Variants in NDST2 observed in about 807,000 individuals in gnomAD.
NDST2 encodes bifunctional heparan sulfate N-deacetylase/N-sulfotransferase 2.
Under a neutral mutation model 86.9 loss-of-function variants are expected in NDST2, and 32 were observed. The observed-to-expected ratio is 0.37, with a 90% CI of 0.28 to 0.49. NDST2 has a LOEUF of 0.49. Among genes scored for constraint, NDST2 ranks in the 20% least tolerant of loss-of-function variants. NDST2 has a pLI of 0.97. For missense variants in NDST2, 950 were observed against 1,146.9 expected, an observed-to-expected ratio of 0.83 and a Z score of 2.48; for synonymous variants, 409 against 437.0, an observed-to-expected ratio of 0.94 and a Z score of 0.80.
At chr10:73,803,531 TCC>T in intron 11 of NDST2, 41 bp downstream of exon 11, 1 of 308,182 alleles carries the variant, frequency 3.2e-6, no homozygotes, top group Non-Finnish European at 6.2e-6. Flanking sequence ...CCCTCCCCCC[TCC>T]CCCCAACCTT....
In NDST2 at chr10:73,808,480, A is replaced by G; in HGVS notation, c.-92T>C. 1.5e-6 allele frequency: 2 copies of G among 1,290,806 alleles called. No individual in the cohort carries two copies. The highest frequency in any genetic ancestry group is 1.5e-5 in the South Asian group (1 of 65,108). 80.0% of individuals were successfully genotyped at this position (1,290,806 alleles called of 1,614,324 possible). On this transcript the variant is annotated 5_prime_UTR_variant, in exon 3 of 15. Transcript: ENST00000309979. This position sits in a 1 kb window ranked among gnomAD's most constrained non-coding sequence, Gnocchi z 4.3. ...GCTAGGACTGTCTTGGAAGGGTAGA[A>G]GGATAGGAAAATAGGGGACAGGGAT...
intron 3 of NDST2, 59 bp from the exon 4 acceptor site, chr10:73,807,254 G>A (rs2132871760): frequency 6.4e-7 from 1 of 1,558,208 alleles, no homozygotes; most frequent in Non-Finnish European, 8.9e-7. Context: ...GGAAATACAT[G>A]AGAAGTAGCA....
intron 1 of NDST2, among the ~76,000 whole-genome samples, chr10:73,811,179 G>C (rs1057492693): frequency 2.0e-5 from 3 of 152,086 alleles, no homozygotes; most frequent in Non-Finnish European, 2.9e-5. Context: ...TGCGAAGAGC[G>C]CACCGGATGT....
chr10:73,807,063 C>T (rs2084115737), intron 4 of NDST2, 45 bp downstream of exon 4: 2 of 1,559,304 alleles, frequency 1.3e-6, no homozygotes, highest in Non-Finnish European at 1.8e-6. Flanking sequence ...AGTGAAGGGA[C>T]AGGTCAAACT....
chr10:73,802,220 T>C lies in NDST2; in HGVS notation c.*231A>G. ...TCTCATTCCTCCCCACCTCCCAAGATGATGGGTCAAAGGTACCTAGCACTA... is the reference window on the plus strand; with the variant it reads ...TCTCATTCCTCCCCACCTCCCAAGACGATGGGTCAAAGGTACCTAGCACTA... On this transcript the variant is annotated 3_prime_UTR_variant, in exon 15 of 15. Transcript: ENST00000309979. The C allele has an allele frequency of 1.7e-6, 1 of 590,938 alleles. No homozygotes were observed. Among genetic ancestry groups the C allele is most frequent in the Non-Finnish European group, 3.0e-6 (1 of 333,942 alleles). 36.6% of individuals were successfully genotyped at this position (590,938 alleles called of 1,614,324 possible).
Position 73,807,000 on chromosome 10 carries a change from C to T in NDST2, c.1093+108G>A, listed in dbSNP as rs2084114945. The T allele has an allele frequency of 4.9e-6, 7 of 1,430,330 alleles. No homozygotes were observed. In the Admixed American group the frequency reaches 5.1e-5, roughly 10 times the overall value. 88.6% of individuals were successfully genotyped at this position (1,430,330 alleles called of 1,614,324 possible). On this transcript the variant is annotated intron_variant, in intron 4 of 14. Transcript: ENST00000309979. This position sits in a 1 kb window ranked among gnomAD's most constrained non-coding sequence, Gnocchi z 4.5. ...CCCACCACTAGCTCCTCACAGCAGT[C>T]TGACCCCAAACCTTGACCCTTTTCT...
In NDST2 at chr10:73,808,085, T is replaced by G. The variant is rs2084136683; in HGVS notation, c.304A>C (p.Ile102Leu). The G allele has an allele frequency of 6.2e-7, 1 of 1,614,068 alleles. No individual in the cohort carries two copies. Among genetic ancestry groups the G allele is most frequent in the Admixed American group, 1.7e-5 (1 of 60,006 alleles). Residue 102 changes from isoleucine to leucine, a missense_variant, in exon 3 of 15, where the codon ATT becomes CTT. Around this residue, in one of 5 missense-constraint regions of NDST2, gnomAD observed 586 missense variants for 714.0 expected, o/e 0.82. Transcript: ENST00000309979. The surrounding 1 kb of genome is among the most constrained non-coding windows in gnomAD (Gnocchi z 4.3). The stretch of plus-strand genomic sequence containing the variant: ...CGACTAGACTCCAGGATGGCCACAA[T>G]TTCCTGCCCCAGCTGTGAGTATGCA... ...ESAYSQLGQE[I>L]VAILESSRFR... is the part of the protein sequence containing the mutation.
At chr10:73,805,515 AAACAACAAC>A in intron 8 of NDST2, 63 bp downstream of exon 8, 11 of 1,465,918 alleles carry the variant, frequency 7.5e-6, no homozygotes, top group Non-Finnish European at 1.0e-5. Flanking sequence ...TTCTGTCTCA[AAACAACAAC>A]AACAACAACA....
chr10:73,802,208 C>T lies in NDST2; in HGVS notation c.*243G>A, dbSNP rs901068184. ...CTGCCTGGACCCTCTCATTCCTCCC[C>T]ACCTCCCAAGATGATGGGTCAAAGG... On this transcript the variant is annotated 3_prime_UTR_variant, in exon 15 of 15. Coordinates refer to ENST00000309979, the MANE Select transcript of NDST2 (RefSeq NM_003635.4). The T allele has an allele frequency of 8.6e-6, 5 of 583,910 alleles. No homozygotes were observed. Among genetic ancestry groups the T allele is most frequent in the Admixed American group, 6.2e-5 (2 of 32,424 alleles). 36.2% of individuals were successfully genotyped at this position (583,910 alleles called of 1,614,324 possible). A position where few individuals can be genotyped will look rare whatever the true frequency, so the allele number is the denominator to read the frequency against.
At position 73,808,560 on chromosome 10, in the gene NDST2, G is replaced by C; in HGVS notation, c.-172C>G. The C allele has an allele frequency of 1.6e-6, 1 of 636,232 alleles. No individual in the cohort carries two copies. Among genetic ancestry groups the C allele is most frequent in the Admixed American group, 3.0e-5 (1 of 33,508 alleles). 39.4% of individuals were successfully genotyped at this position (636,232 alleles called of 1,614,324 possible). Reference sequence around the variant, plus strand: ...AGACGAGTCCCCTTAGCATAGGGTAGGGGAGGTAGAAGGGGAAGCAGGGGG... The same window carrying C: ...AGACGAGTCCCCTTAGCATAGGGTACGGGAGGTAGAAGGGGAAGCAGGGGG... On this transcript the variant is annotated 5_prime_UTR_variant, in exon 3 of 15. Coordinates refer to ENST00000309979, the MANE Select transcript of NDST2 (RefSeq NM_003635.4). The surrounding 1 kb of genome is among the most constrained non-coding windows in gnomAD (Gnocchi z 4.3).
At chr10:73,809,705 AAC>A (rs1338770386) in intron 2 of NDST2, among the ~76,000 whole-genome samples, 2 of 152,202 alleles carry the variant, frequency 1.3e-5, no homozygotes, top group African/African-American at 4.8e-5. Flanking sequence ...GTGATCAGAA[AAC>A]AGTTTTAAGG....
At position 73,806,986 on chromosome 10, in the gene NDST2, C is replaced by G; in HGVS notation, c.1093+122G>C. ...AACCTAAATTCATGCCCACCACTAGCTCCTCACAGCAGTCTGACCCCAAAC... is the reference window on the plus strand; with the variant it reads ...AACCTAAATTCATGCCCACCACTAGGTCCTCACAGCAGTCTGACCCCAAAC... On this transcript the variant is annotated intron_variant, in intron 4 of 14. Coordinates refer to ENST00000309979, the MANE Select transcript of NDST2 (RefSeq NM_003635.4). The surrounding 1 kb of genome is among the most constrained non-coding windows in gnomAD (Gnocchi z 4.5). 1.4e-6 allele frequency: 2 copies of G among 1,393,792 alleles called. No homozygotes were observed. Among genetic ancestry groups the G allele is most frequent in the Admixed American group, 3.5e-5 (2 of 56,794 alleles). 86.3% of individuals were successfully genotyped at this position (1,393,792 alleles called of 1,614,324 possible). A position where few individuals can be genotyped will look rare whatever the true frequency, so the allele number is the denominator to read the frequency against.
At position 73,807,457 on chromosome 10, in the gene NDST2, C is replaced by T. The variant is rs377733383; in HGVS notation, c.932G>A (p.Arg311His). The T allele has an allele frequency of 4.0e-5, 64 of 1,614,062 alleles. No homozygotes were observed. The highest frequency in any genetic ancestry group is 1.0e-4 in the Admixed American group (6 of 60,008). Residue 311 changes from arginine to histidine, a missense_variant, in exon 3 of 15, where the codon CGC becomes CAC. Arg to His is a conservative substitution (Grantham distance 29). Around this residue, in one of 5 missense-constraint regions of NDST2, gnomAD observed 586 missense variants for 714.0 expected, o/e 0.82. Transcript: ENST00000309979. ...TGKRLCLDLD[R>H]YILVDIDDIF... Reference sequence around the variant, plus strand: ...GTCATCGATGTCTACCAAGATGTAGCGGTCAAGGTCCAGGCAGAGGCGCTT... The same window carrying T: ...GTCATCGATGTCTACCAAGATGTAGTGGTCAAGGTCCAGGCAGAGGCGCTT...
At position 73,805,776 on chromosome 10, in the gene NDST2, G is replaced by C. The variant is rs2084090893; in HGVS notation, c.1564-7C>G. ...GGGTCATAAAGATGCTGATCTGTAA[G>C]GGGTACCTGCATGTCAGATTTGGAG... On this transcript the variant is annotated splice_region_variant and splice_polypyrimidine_tract_variant and intron_variant, in intron 7 of 14. Coordinates refer to ENST00000309979, the MANE Select transcript of NDST2 (RefSeq NM_003635.4). 1 of 1,613,996 alleles carries C rather than the reference G, an allele frequency of 6.2e-7. No homozygotes were observed. The highest frequency in any genetic ancestry group is 8.5e-7 in the Non-Finnish European group (1 of 1,179,978).
Position 73,805,881 on chromosome 10 carries a change from G to T in NDST2, c.1563+19C>A, listed in dbSNP as rs757169243. On this transcript the variant is annotated intron_variant, in intron 7 of 14. Coordinates refer to ENST00000309979, the MANE Select transcript of NDST2 (RefSeq NM_003635.4). The stretch of plus-strand genomic sequence containing the variant: ...ACCTTGGCTCTCCAATCTTCTAGCC[G>T]TTCCTCTCAGCACCTTACCGGATTA... 5 of 1,613,916 alleles carry T rather than the reference G, an allele frequency of 3.1e-6. No individual in the cohort carries two copies. The highest frequency in any genetic ancestry group is 3.4e-6 in the Non-Finnish European group (4 of 1,179,966).
At position 73,802,055 on chromosome 10, in the gene NDST2, C is replaced by G; in HGVS notation, c.*396G>C. On this transcript the variant is annotated 3_prime_UTR_variant, in exon 15 of 15. Coordinates refer to ENST00000309979, the MANE Select transcript of NDST2 (RefSeq NM_003635.4). The stretch of plus-strand genomic sequence containing the variant: ...CCGGGCCACAGGTAGATCCCACTGC[C>G]TGGCTAAAGGGGCCATAGCAAGGGG... The G allele has an allele frequency of 2.8e-6, 1 of 359,252 alleles. No individual in the cohort carries two copies. The highest frequency in any genetic ancestry group is 5.2e-6 in the Non-Finnish European group (1 of 191,900). 22.3% of individuals were successfully genotyped at this position (359,252 alleles called of 1,614,324 possible).
chr10:73,807,027 C>T, intron 4 of NDST2, 81 bp downstream of exon 4: 3 of 1,486,238 alleles, frequency 2.0e-6, no homozygotes, highest in Non-Finnish European at 2.8e-6. Flanking sequence ...CCCTTTTCTT[C>T]AACTTGTCTG....
Position 73,804,030 on chromosome 10 carries a change from A to G in NDST2, c.1844-14T>C. 1.2e-6 allele frequency: 2 copies of G among 1,612,286 alleles called. No homozygotes were observed. Among genetic ancestry groups the G allele is most frequent in the Non-Finnish European group, 1.7e-6 (2 of 1,179,046 alleles). ...TAGCTGTAGTCCCTAAATGGGAGAG[A>G]AAGACCAGCTTCAGGCAGCCATTGT... is the stretch of plus-strand genomic sequence containing the variant. On this transcript the variant is annotated splice_polypyrimidine_tract_variant and intron_variant, in intron 9 of 14. Transcript: ENST00000309979.
rs756861722 is a variant in NDST2, at chr10:73,808,154, C to CT, written c.234dup (p.Glu79ArgfsTer6). On this transcript the variant is annotated frameshift_variant, in exon 3 of 15. Transcript: ENST00000309979. LOFTEE classifies it high-confidence loss of function. The surrounding 1 kb of genome is among the most constrained non-coding windows in gnomAD (Gnocchi z 4.3). ...ACCACGGGTTCAGTTCGAGCTGTCT[C>CT]TGGAGGCCTGGGGGGCCGAGGTGGA... The CT allele has an allele frequency of 1.2e-6, 2 of 1,614,244 alleles. No individual in the cohort carries two copies. The highest frequency in any genetic ancestry group is 4.5e-5 in the East Asian group (2 of 44,884).
Sources: gnomAD v4.1 joint callset for allele counts (sites outside exome capture counted in the v4.1 genomes callset) on GRCh38, gnomAD v4.1.1 for gene constraint, gnomAD v4.1.1 regional missense constraint, Gnocchi (gnomAD v3.1) non-coding constraint, MANE v1.5 for transcripts, NCBI Gene and HGNC (gene_info 2026-07-23, HGNC 2026-07-21) for gene names.